The following RPIA variants were observed in gnomAD, a reference collection of about 807,000 sequenced individuals.
RPIA encodes the protein ribose 5-phosphate isomerase A.
In RPIA, 29 loss-of-function variants were observed where a neutral mutation model predicts 37.8. That is an observed-to-expected ratio of 0.77 (90% CI 0.57 to 1.05). RPIA has a LOEUF of 1.05. RPIA is among the 50% of genes least tolerant of loss of function. The probability of loss-of-function intolerance (pLI) is 0.00; values close to 1 mark genes in which losing one functional copy is unlikely to be tolerated. For missense variants in RPIA, 385 were observed against 413.6 expected (o/e 0.93, Z 0.60); for synonymous variants, 167 against 157.0 (o/e 1.06, Z -0.48).
intron 3 of RPIA, among the ~76,000 whole-genome samples, chr2:88,713,120 A>ATTTTT (rs1553420200): frequency 0.016 from 1,053 of 65,202 alleles, 48 homozygotes; most frequent in Non-Finnish European, 0.022. Flanking sequence ...ATATATATAT[A>ATTTTT]TTTTTTTTTT....
Position 88,700,061 on chromosome 2 carries a change from C to T in RPIA, c.399C>T (p.Phe133=), listed in dbSNP as rs578022140. 2.0e-5 allele frequency: 33 copies of T among 1,614,094 alleles called. 1 individual carries two copies. The South Asian group carries it at 3.6e-4, about 18-fold the overall frequency. The change falls in exon 3 of 9, where the codon TTC becomes TTT. Residue 133 remains phenylalanine (F), a synonymous_variant. Coordinates refer to ENST00000283646, the MANE Select transcript of RPIA (RefSeq NM_144563.3). ...NLNLVCIPTS[F]QARQLILQYG... ...ACCTCGTCTGTATTCCCACTTCCTT[C>T]CAGGTATGTCCTGCTTTCCATCTGC... is the stretch of plus-strand genomic sequence containing the variant.
chr2:88,700,015 G>A lies in RPIA; in HGVS notation c.353G>A (p.Arg118Lys), dbSNP rs775034236. The A allele has an allele frequency of 4.3e-6, 7 of 1,614,194 alleles. No homozygotes were observed. The highest frequency in any genetic ancestry group is 5.9e-6 in the Non-Finnish European group (7 of 1,180,020). The part of the protein sequence containing the change: ...IVHAVQRIAE[R>K]VKQENLNLVC... ...ATGGCTTTTGTTTCCACAGCTGAAA[G>A]GGTGAAGCAAGAGAATCTGAACCTC... The change falls in exon 3 of 9, where the codon AGG (arginine) becomes AAG (lysine). Residue 118 changes from arginine to lysine, a missense_variant. By Grantham distance (26) the Arg-to-Lys change is conservative. Transcript: ENST00000283646.
chr2:88,721,559 ACACACACACACACC>A (rs1278099050), intron 3 of RPIA, among the ~76,000 whole-genome samples: 1 of 66,250 alleles, frequency 1.5e-5, no homozygotes, highest in African/African-American at 5.3e-5. Flanking sequence ...ACACACACAC[ACACACACACACACC>A]CCCCCCCCCA....
chr2:88,727,654 G>T (rs368408464), intron 3 of RPIA, among the ~76,000 whole-genome samples: 3 of 152,086 alleles, frequency 2.0e-5, no homozygotes, highest in African/African-American at 7.2e-5. Flanking sequence ...CTGTTCCTGC[G>T]CTAGTTTGCT....
intron 6 of RPIA, among the ~76,000 whole-genome samples, chr2:88,736,146 T>G (rs1673312697): frequency 6.6e-6 from 1 of 152,188 alleles, no homozygotes; most frequent in African/African-American, 2.4e-5. Context: ...TTGCCGCAGG[T>G]GACTGGTGTC....
chr2:88,697,480 G>A (rs1478004374), intron 1 of RPIA, among the ~76,000 whole-genome samples: 1 of 152,236 alleles, frequency 6.6e-6, no homozygotes, highest in Non-Finnish European at 1.5e-5. Flanking sequence ...GTTCCTGACT[G>A]TTAGTACCCT....
intron 8 of RPIA, among the ~76,000 whole-genome samples, chr2:88,738,589 G>C (rs191236083): frequency 1.3e-5 from 2 of 152,198 alleles, no homozygotes; most frequent in African/African-American, 2.4e-5. Context: ...GGAAATCTGT[G>C]TGTGTGTGTA....
chr2:88,704,503 A>G (rs918994054), intron 3 of RPIA, among the ~76,000 whole-genome samples: 8 of 152,212 alleles, frequency 5.3e-5, no homozygotes, highest in Admixed American at 2.6e-4. Flanking sequence ...CCACAAGAAG[A>G]GTATGGAGGA....
chr2:88,716,617 T>C (rs1673039889), intron 3 of RPIA, among the ~76,000 whole-genome samples: 1 of 152,188 alleles, frequency 6.6e-6, no homozygotes, highest in African/African-American at 2.4e-5. Flanking sequence ...CCATTCCGGT[T>C]AACTGTGTGG....
chr2:88,739,669 G>A (rs926870104), intron 8 of RPIA, among the ~76,000 whole-genome samples: 3 of 152,154 alleles, frequency 2.0e-5, no homozygotes, highest in African/African-American at 7.2e-5. Context: ...CCAGAGTGGA[G>A]TGTAGTGGTG....
intron 1 of RPIA, among the ~76,000 whole-genome samples, chr2:88,693,323 T>C (rs1676969049): frequency 6.6e-6 from 1 of 152,224 alleles, no homozygotes; most frequent in Non-Finnish European, 1.5e-5. Flanking sequence ...GACCTTAGGC[T>C]AGAGCCCCAA....
intron 8 of RPIA, among the ~76,000 whole-genome samples, chr2:88,749,379 A>T (rs1322133909): frequency 6.6e-6 from 1 of 152,082 alleles, no homozygotes. Flanking sequence ...TAAAATGTTT[A>T]TTGGCCATTT....
At chr2:88,694,411 A>G (rs1167312305) in intron 1 of RPIA, among the ~76,000 whole-genome samples, 1 of 152,222 alleles carries the variant, frequency 6.6e-6, no homozygotes, top group Non-Finnish European at 1.5e-5. Flanking sequence ...TGTGAGTGAC[A>G]TGAATGTATG....
intron 1 of RPIA, among the ~76,000 whole-genome samples, chr2:88,696,933 C>T (rs191608260): frequency 2.6e-5 from 4 of 152,208 alleles, no homozygotes; most frequent in Non-Finnish European, 5.9e-5. Flanking sequence ...TAAATTTCAA[C>T]GTGAGTTTTG....
chr2:88,705,416 A>G (rs749803275), intron 3 of RPIA, among the ~76,000 whole-genome samples: 19 of 152,222 alleles, frequency 1.2e-4, no homozygotes, highest in Non-Finnish European at 2.4e-4. Context: ...CTGCACATCT[A>G]CAATCATCTG....
At chr2:88,726,174 C>A (rs977874963) in intron 3 of RPIA, among the ~76,000 whole-genome samples, 1 of 152,090 alleles carries the variant, frequency 6.6e-6, no homozygotes, top group African/African-American at 2.4e-5. Flanking sequence ...TGCTCACCGA[C>A]CAGGCCCTTC....
chr2:88,695,852 A>G (rs1392425020), intron 1 of RPIA, among the ~76,000 whole-genome samples: 2 of 152,200 alleles, frequency 1.3e-5, no homozygotes, highest in African/African-American at 4.8e-5. Flanking sequence ...TTGTTGGATA[A>G]AGTCTTCTGT....
intron 2 of RPIA, 73 bp from the exon 3 acceptor site, chr2:88,699,936 G>A (rs959397313): frequency 1.1e-5 from 16 of 1,516,680 alleles, no homozygotes; most frequent in South Asian, 3.4e-5. Context: ...TGTTGGTTTC[G>A]AGCAAACACA....
At chr2:88,713,722 G>T (rs1672993239) in intron 3 of RPIA, among the ~76,000 whole-genome samples, 1 of 151,578 alleles carries the variant, frequency 6.6e-6, no homozygotes, top group African/African-American at 2.4e-5. Context: ...CATCTTTCTG[G>T]GACCCTTCTT....
Sources: allele counts gnomAD v4.1 joint callset (sites outside exome capture counted in the v4.1 genomes callset), GRCh38; gene constraint gnomAD v4.1.1; transcripts MANE v1.5; gene names NCBI Gene and HGNC (gene_info 2026-07-23, HGNC 2026-07-21).